The following PCDH15 variants were observed in gnomAD, a reference collection of about 807,000 sequenced individuals.
The protein encoded by PCDH15 is protocadherin-15.
Under a neutral mutation model 178.5 loss-of-function variants are expected in PCDH15, and 129 were observed. That is an observed-to-expected ratio of 0.72 (90% confidence interval 0.63 to 0.84). The LOEUF (loss-of-function observed/expected upper bound fraction) is 0.84, where lower values mean the gene tolerates loss of function less well. Among genes scored for constraint, PCDH15 ranks in the 40% least tolerant of loss-of-function variants. The pLI is 0.00. For missense variants in PCDH15, 2,230 were observed against 2,099.9 expected (o/e 1.06, Z -1.21); for synonymous variants, 800 against 732.0 (o/e 1.09, Z -1.50).
chr10:55,512,607 C>G lies in PCDH15; in HGVS notation c.-156+115018G>C, dbSNP rs543750093. Among the ~76,000 whole-genome samples, 190 of 152,064 alleles carry G rather than the reference C, an allele frequency of 1.2e-3. 2 individuals are homozygous for G. Among genetic ancestry groups the G allele is most frequent in the African/African-American group, 4.3e-3 (180 of 41,518 alleles). ...ACCCTTGCTCAGATACCACAGAGAG[C>G]CTTTTATTTTAAGAACCTTGGCACC... On this transcript the variant is annotated intron_variant, in intron 2 of 5. Transcript: ENST00000613346.
intron 2 of PCDH15, among the ~76,000 whole-genome samples, chr10:55,111,846 T>A (rs931455063): frequency 5.3e-5 from 8 of 152,040 alleles, no homozygotes; most frequent in Non-Finnish European, 4.4e-5. Flanking sequence ...AGAGTGAAAC[T>A]CCATCTCAAA....
At chr10:54,357,627 T>A (rs1945243868) in intron 5 of PCDH15, among the ~76,000 whole-genome samples, 1 of 152,204 alleles carries the variant, frequency 6.6e-6, no homozygotes, top group South Asian at 2.1e-4. Flanking sequence ...CCCATCAAGC[T>A]ATGAATGACT....
intron 3 of PCDH15, among the ~76,000 whole-genome samples, chr10:54,858,153 C>T (rs1359772093): frequency 6.6e-6 from 1 of 152,142 alleles, no homozygotes; most frequent in East Asian, 1.9e-4. Flanking sequence ...TATAGATGTG[C>T]TCATTCATTA....
intron 26 of PCDH15, among the ~76,000 whole-genome samples, chr10:53,882,431 G>A (rs550215491): frequency 8.5e-5 from 13 of 152,146 alleles, no homozygotes; most frequent in African/African-American, 2.2e-4. Flanking sequence ...GGACTTCGTC[G>A]CCCCCACTAC....
chr10:54,984,233 C>A (rs2131908277), intron 2 of PCDH15, among the ~76,000 whole-genome samples: 1 of 152,264 alleles, frequency 6.6e-6, no homozygotes, highest in South Asian at 2.1e-4. Flanking sequence ...CTGTTTTCCT[C>A]TTCTCCCCAC....
chr10:54,786,098 A>G (rs1483513172), intron 1 of PCDH15, among the ~76,000 whole-genome samples: 1 of 151,990 alleles, frequency 6.6e-6, no homozygotes, highest in Non-Finnish European at 1.5e-5. Context: ...TGATTGGTGC[A>G]ATTACTGAAA....
intron 2 of PCDH15, among the ~76,000 whole-genome samples, chr10:55,503,323 T>A (rs1840695004): frequency 6.7e-6 from 1 of 148,986 alleles, no homozygotes; most frequent in South Asian, 2.1e-4. Flanking sequence ...GTTTCTAATT[T>A]TAAAATTAAG....
chr10:55,284,851 C>A (rs1346699092), intron 1 of PCDH15, among the ~76,000 whole-genome samples: 1 of 151,772 alleles, frequency 6.6e-6, no homozygotes, highest in Non-Finnish European at 1.5e-5. Context: ...ATTTTTAGAA[C>A]CATTATATGG....
At chr10:54,301,666 C>T (rs1017114372) in intron 8 of PCDH15, among the ~76,000 whole-genome samples, 1 of 152,096 alleles carries the variant, frequency 6.6e-6, no homozygotes, top group African/African-American at 2.4e-5. Flanking sequence ...CCATTTGATA[C>T]TATGCTTCCA....
intron 5 of PCDH15, among the ~76,000 whole-genome samples, chr10:54,360,144 C>T (rs1012812502): frequency 2.0e-5 from 3 of 152,026 alleles, no homozygotes; most frequent in Admixed American, 6.6e-5. Context: ...TTAGACCTCC[C>T]AGGTAGTATC....
chr10:54,606,733 C>G (rs1020224671), intron 2 of PCDH15: 1 of 152,008 alleles, frequency 6.6e-6, no homozygotes, highest in East Asian at 1.9e-4. Context: ...TTTCAGATAT[C>G]ATAAAAGATA....
chr10:53,977,730 T>G (rs1240882218), intron 21 of PCDH15, among the ~76,000 whole-genome samples: 2 of 152,180 alleles, frequency 1.3e-5, no homozygotes, highest in African/African-American at 4.8e-5. Context: ...AAGTACCTTC[T>G]GCTTATGAGC....
intron 2 of PCDH15, among the ~76,000 whole-genome samples, chr10:55,367,599 AAAAC>A (rs1588959302): frequency 6.6e-6 from 1 of 152,114 alleles, no homozygotes; most frequent in Admixed American, 6.6e-5. Context: ...AAAACAAAAC[AAAAC>A]AAACAAAAGA....
intron 2 of PCDH15, among the ~76,000 whole-genome samples, chr10:55,495,927 A>G (rs2132133286): frequency 6.6e-6 from 1 of 152,042 alleles, no homozygotes; most frequent in South Asian, 2.1e-4. Flanking sequence ...ACAAATGACT[A>G]TATCATAGGA....
chr10:55,378,477 C>A (rs763687719), intron 2 of PCDH15, among the ~76,000 whole-genome samples: 3 of 152,114 alleles, frequency 2.0e-5, no homozygotes, highest in Non-Finnish European at 2.9e-5. Context: ...AAAGGAACTA[C>A]ACATTTGAAG....
At chr10:54,461,969 A>C (rs1457873778) in intron 3 of PCDH15, among the ~76,000 whole-genome samples, 1 of 152,060 alleles carries the variant, frequency 6.6e-6, no homozygotes, top group Non-Finnish European at 1.5e-5. Flanking sequence ...CTAGCATATG[A>C]TAAAATCTTA....
intron 26 of PCDH15, among the ~76,000 whole-genome samples, chr10:53,887,937 C>G (rs556787067): frequency 5.8e-4 from 88 of 151,760 alleles, no homozygotes; most frequent in African/African-American, 2.1e-3. Context: ...AAACTAACTC[C>G]TAAAACATAG....
chr10:54,976,028 G>A (rs894738106), intron 2 of PCDH15, among the ~76,000 whole-genome samples: 6 of 151,944 alleles, frequency 3.9e-5, no homozygotes, highest in African/African-American at 1.5e-4. Context: ...AGTGTATCAT[G>A]GAATTTTAAA....
chr10:54,483,972 C>A (rs2078911560), intron 3 of PCDH15, among the ~76,000 whole-genome samples: 2 of 151,824 alleles, frequency 1.3e-5, no homozygotes, highest in South Asian at 4.1e-4. Flanking sequence ...CTATGCTATT[C>A]CTTACAAGCT....
Sources: allele counts gnomAD v4.1 joint callset (sites outside exome capture counted in the v4.1 genomes callset), GRCh38; gene constraint gnomAD v4.1.1; transcripts MANE v1.5; gene names NCBI Gene and HGNC (gene_info 2026-07-23, HGNC 2026-07-21).